Variants in GALNT7 observed in about 807,000 individuals in gnomAD.
GALNT7 encodes the protein polypeptide N-acetylgalactosaminyltransferase 7.
In GALNT7, 60 loss-of-function variants were observed where a neutral mutation model predicts 82.1. The observed-to-expected ratio is 0.73, with a 90% CI of 0.59 to 0.91. The LOEUF (loss-of-function observed/expected upper bound fraction) is 0.91. Ranked by LOEUF, GALNT7 falls within the 40% of genes least tolerant of loss-of-function variation. GALNT7 has a pLI of 0.00. For missense variants in GALNT7, 660 were observed against 804.2 expected, an observed-to-expected ratio of 0.82 and a Z score of 2.17; for synonymous variants, 243 against 275.1, an observed-to-expected ratio of 0.88 and a Z score of 1.15.
intron 2 of GALNT7, among the ~76,000 whole-genome samples, chr4:173,251,654 T>C (rs1163038641): frequency 6.6e-6 from 1 of 152,172 alleles, no homozygotes; most frequent in Non-Finnish European, 1.5e-5. Flanking sequence ...TTCCTTCCTG[T>C]CTCCTTTCTT....
At chr4:173,208,515 T>C (rs1206213101) in intron 1 of GALNT7, among the ~76,000 whole-genome samples, 3 of 152,170 alleles carry the variant, frequency 2.0e-5, no homozygotes, top group Admixed American at 1.3e-4. Context: ...TATTAGCACC[T>C]TTATCCCTTC....
chr4:173,311,696 C>A (rs1463408747), intron 8 of GALNT7, among the ~76,000 whole-genome samples: 1 of 152,168 alleles, frequency 6.6e-6, no homozygotes, highest in Non-Finnish European at 1.5e-5. Context: ...ACCCCATGAA[C>A]CAGTCACCAT....
intron 1 of GALNT7, among the ~76,000 whole-genome samples, chr4:173,233,143 G>T (rs1038834614): frequency 6.6e-6 from 1 of 152,172 alleles, no homozygotes; most frequent in African/African-American, 2.4e-5. Context: ...TCCACTGATG[G>T]ACACTTAGGT....
At chr4:173,291,226 C>A (rs1736519927) in intron 2 of GALNT7, among the ~76,000 whole-genome samples, 1 of 152,176 alleles carries the variant, frequency 6.6e-6, no homozygotes, top group Non-Finnish European at 1.5e-5. Context: ...CCTGAGTCCC[C>A]ATCTGGGTTA....
chr4:173,282,653 G>GA (rs909830017), intron 2 of GALNT7, among the ~76,000 whole-genome samples: 1 of 152,064 alleles, frequency 6.6e-6, no homozygotes, highest in South Asian at 2.1e-4. Flanking sequence ...AGGGTCCTCA[G>GA]AAAAAAGGTG....
chr4:173,244,861 G>C (rs888453526), intron 1 of GALNT7, among the ~76,000 whole-genome samples: 6 of 152,142 alleles, frequency 3.9e-5, no homozygotes, highest in Admixed American at 6.6e-5. Context: ...GGTGATTGCA[G>C]GTTTTGGATT....
At chr4:173,262,120 T>A (rs1289878131) in intron 2 of GALNT7, among the ~76,000 whole-genome samples, 1 of 152,160 alleles carries the variant, frequency 6.6e-6, no homozygotes, top group Non-Finnish European at 1.5e-5. Context: ...GTTGTTTTAG[T>A]TGAAATATAT....
At chr4:173,194,579 C>T (rs192574459) in intron 1 of GALNT7, among the ~76,000 whole-genome samples, 7 of 151,874 alleles carry the variant, frequency 4.6e-5, no homozygotes, top group East Asian at 1.9e-4. Context: ...GTTTCAGAGG[C>T]GGTTTCATGT....
At chr4:173,257,265 C>G (rs1400321831) in intron 2 of GALNT7, among the ~76,000 whole-genome samples, 3 of 152,116 alleles carry the variant, frequency 2.0e-5, no homozygotes, top group Non-Finnish European at 4.4e-5. Flanking sequence ...TTGGAGAGAG[C>G]TGTAAAGCAA....
chr4:173,295,968 C>A, intron 5 of GALNT7, 125 bp downstream of exon 5: 1 of 682,228 alleles, frequency 1.5e-6, no homozygotes, highest in East Asian at 2.7e-5. Context: ...AGTGTTATCC[C>A]TCATCTATTT....
intron 1 of GALNT7, among the ~76,000 whole-genome samples, chr4:173,174,346 G>A (rs1731969068): frequency 1.3e-5 from 2 of 152,194 alleles, no homozygotes; most frequent in African/African-American, 4.8e-5. Context: ...CACTGACCAT[G>A]TGCCCTTTGA....
intron 1 of GALNT7, among the ~76,000 whole-genome samples, chr4:173,180,947 T>G (rs929069406): frequency 6.6e-6 from 1 of 152,338 alleles, no homozygotes; most frequent in African/African-American, 2.4e-5. Context: ...GTTTTACATC[T>G]TCGTTTGAAA....
intron 2 of GALNT7, among the ~76,000 whole-genome samples, chr4:173,253,383 A>G (rs1262981361): frequency 6.6e-6 from 1 of 152,120 alleles, no homozygotes; most frequent in African/African-American, 2.4e-5. Flanking sequence ...ATAGTAGGGC[A>G]TTGGAAGACT....
chr4:173,268,543 T>TG (rs1303579330), intron 2 of GALNT7, among the ~76,000 whole-genome samples: 1 of 128,910 alleles, frequency 7.8e-6, no homozygotes, highest in Non-Finnish European at 1.7e-5. Flanking sequence ...TTTTTTTTTT[T>TG]TTTTTTTTTT....
chr4:173,295,899 G>T (rs899663054), intron 5 of GALNT7, 56 bp downstream of exon 5: 2 of 948,540 alleles, frequency 2.1e-6, no homozygotes, highest in African/African-American at 3.2e-5. Context: ...TGTCCTAGAA[G>T]GGCAAATAAT....
chr4:173,238,105 A>G (rs1734295426), intron 1 of GALNT7, among the ~76,000 whole-genome samples: 1 of 152,184 alleles, frequency 6.6e-6, no homozygotes, highest in Non-Finnish European at 1.5e-5. Context: ...TCCTCTCTCC[A>G]TGTGCATACA....
intron 1 of GALNT7, among the ~76,000 whole-genome samples, chr4:173,195,244 T>C (rs938365778): frequency 6.6e-6 from 1 of 152,230 alleles, no homozygotes; most frequent in Non-Finnish European, 1.5e-5. Context: ...CTATTTCTCA[T>C]GTTGCTAAAT....
chr4:173,274,967 C>A (rs138331343), intron 2 of GALNT7, among the ~76,000 whole-genome samples: 1 of 152,294 alleles, frequency 6.6e-6, no homozygotes, highest in Admixed American at 6.5e-5. Flanking sequence ...AGTGACTCCA[C>A]GGTCATAGGA....
At chr4:173,193,139 A>G (rs564748484) in intron 1 of GALNT7, among the ~76,000 whole-genome samples, 1 of 152,250 alleles carries the variant, frequency 6.6e-6, no homozygotes, top group Non-Finnish European at 1.5e-5. Flanking sequence ...CAAACAGACA[A>G]AAAGGCTCGG....
Sources: gnomAD v4.1 joint callset for allele counts (sites outside exome capture counted in the v4.1 genomes callset) on GRCh38, gnomAD v4.1.1 for gene constraint, MANE v1.5 for transcripts, NCBI Gene and HGNC (gene_info 2026-07-23, HGNC 2026-07-21) for gene names.